FRMPD4: variants seen among roughly 807,000 people sequenced by gnomAD.
FRMPD4 encodes the protein FERM and PDZ domain-containing protein 4.
Under a neutral mutation model 94.1 loss-of-function variants are expected in FRMPD4, and 22 were observed. The ratio of observed to expected loss-of-function variants is 0.23; its 90% CI spans 0.17 to 0.33. The LOEUF is 0.33. Among genes scored for constraint, FRMPD4 ranks in the 10% least tolerant of loss-of-function variants. The probability of loss-of-function intolerance (pLI) is 1.00; values close to 1 mark genes in which losing one functional copy is unlikely to be tolerated. For missense variants in FRMPD4, 1,111 were observed against 1,339.9 expected, an observed-to-expected ratio of 0.83 and a Z score of 2.67; for synonymous variants, 631 against 548.6, an observed-to-expected ratio of 1.15 and a Z score of -2.10.
chrX:12,444,533 C>T (rs2057173980), intron 1 of FRMPD4, among the ~76,000 whole-genome samples: 1 of 112,081 alleles, frequency 8.9e-6, no homozygotes, highest in Non-Finnish European at 1.9e-5. Flanking sequence ...TATCTTGTTC[C>T]TCTCTTTCTC....
At chrX:12,381,008 A>G (rs182870399) in intron 1 of FRMPD4, among the ~76,000 whole-genome samples, 67 of 112,059 alleles carry the variant, frequency 6.0e-4, no homozygotes, top group Admixed American at 2.4e-3. Context: ...TCTAAAGCCC[A>G]GTTGGCTCTC....
intron 2 of FRMPD4, among the ~76,000 whole-genome samples, chrX:12,573,068 T>C (rs1384606521): frequency 8.9e-6 from 1 of 112,433 alleles, no homozygotes; most frequent in Non-Finnish European, 1.9e-5. Context: ...GACTCTTATG[T>C]CTGCAGTTTT....
At position 12,316,826 on chromosome X, in the gene FRMPD4, T is replaced by C. The variant is rs546642899; in HGVS notation, c.41+177814T>C. Among the ~76,000 whole-genome samples, 57 of 110,529 alleles carry C rather than the reference T, an allele frequency of 5.2e-4. No individual in the cohort carries two copies. In the South Asian group the frequency reaches 0.022, roughly 43 times the overall value. ...GTTCTTGTCTTTTACATTACAAAGG[T>C]TGGTTTAAAGCCAGGCACATAGCAG... On this transcript the variant is annotated intron_variant, in intron 1 of 16. Coordinates refer to ENST00000675598, the MANE Select transcript of FRMPD4 (RefSeq NM_001368397.1).
chrX:11,889,733 C>T lies in FRMPD4; in HGVS notation c.95+11715C>T, dbSNP rs537674596. ...ATAGCAGGGGTTTCTTGTGTAGCTA[C>T]GTAAAGCTGGGAAGTCAACTGGGGC... On this transcript the variant is annotated intron_variant, in intron 3 of 18. Transcript: ENST00000640291. Among the ~76,000 whole-genome samples the T allele has an allele frequency of 1.1e-3, 121 of 111,956 alleles. 1 individual carries two copies. Among genetic ancestry groups the T allele is most frequent in the African/African-American group, 3.8e-3 (116 of 30,841 alleles).
intron 3 of FRMPD4, among the ~76,000 whole-genome samples, chrX:12,088,908 A>T (rs145374035): frequency 1.3e-3 from 145 of 112,272 alleles, no homozygotes; most frequent in African/African-American, 4.6e-3. Flanking sequence ...CCATATAACC[A>T]ACATTCAGAT....
In FRMPD4 at chrX:12,417,218, T is replaced by C. The variant is rs183640241; in HGVS notation, c.42-81462T>C. Among the ~76,000 whole-genome samples the C allele has an allele frequency of 8.4e-3, 940 of 111,596 alleles. 15 individuals are homozygous for C. The highest frequency in any genetic ancestry group is 0.029 in the African/African-American group (878 of 30,721). On this transcript the variant is annotated intron_variant, in intron 1 of 16. Transcript: ENST00000675598. ...CTGGACACAGTTACACTAGTATCAC[T>C]TCAAAATGTTGCTAGATATTTCTAT... is the stretch of plus-strand genomic sequence containing the variant.
At chrX:12,628,363 G>C (rs781603510) in intron 4 of FRMPD4, among the ~76,000 whole-genome samples, 17 of 111,439 alleles carry the variant, frequency 1.5e-4, no homozygotes, top group Middle Eastern at 4.7e-3. Flanking sequence ...AGAACTTGCT[G>C]AGATATATTT....
intron 3 of FRMPD4, among the ~76,000 whole-genome samples, chrX:12,130,618 G>T (rs184986765): frequency 3.6e-5 from 4 of 111,203 alleles, no homozygotes; most frequent in Non-Finnish European, 7.5e-5. Context: ...ATTTATGAAT[G>T]AGACTTCAAA....
intron 3 of FRMPD4, among the ~76,000 whole-genome samples, chrX:12,032,445 A>G (rs1287761668): frequency 8.9e-6 from 1 of 112,535 alleles, no homozygotes; most frequent in East Asian, 2.8e-4. Context: ...ATTTAGCAAG[A>G]AAGTAATCAT....
chrX:12,360,272 A>G (rs906636054), intron 1 of FRMPD4, among the ~76,000 whole-genome samples: 10 of 111,837 alleles, frequency 8.9e-5, no homozygotes, highest in African/African-American at 2.6e-4. Flanking sequence ...TCTATCCTGA[A>G]TCTGGTTGGG....
chrX:12,133,054 A>G (rs1172937040), intron 3 of FRMPD4, among the ~76,000 whole-genome samples: 2 of 110,485 alleles, frequency 1.8e-5, no homozygotes, highest in Admixed American at 1.9e-4. Context: ...TAGGAAAAAG[A>G]GACAGTAAGT....
At chrX:12,472,863 A>G (rs1479773966) in intron 1 of FRMPD4, among the ~76,000 whole-genome samples, 1 of 111,365 alleles carries the variant, frequency 9.0e-6, no homozygotes, top group Non-Finnish European at 1.9e-5. Context: ...TGACGGGGAG[A>G]ATGGAACCAA....
At chrX:12,536,295 G>C (rs907556527) in intron 2 of FRMPD4, among the ~76,000 whole-genome samples, 1 of 109,123 alleles carries the variant, frequency 9.2e-6, no homozygotes. Context: ...TCAGCATTGA[G>C]CTTCCAGGCA....
At chrX:12,676,418 G>A (rs112278073) in intron 5 of FRMPD4, among the ~76,000 whole-genome samples, 23 of 112,733 alleles carry the variant, frequency 2.0e-4, no homozygotes, top group African/African-American at 7.4e-4. Context: ...AATAAGCATC[G>A]AACAACTATA....
intron 3 of FRMPD4, among the ~76,000 whole-genome samples, chrX:11,881,978 G>A (rs905812884): frequency 9.0e-5 from 10 of 111,353 alleles, no homozygotes; most frequent in South Asian, 7.6e-4. Context: ...AAAAGTATCC[G>A]GGTGTTGCTG....
intron 1 of FRMPD4, among the ~76,000 whole-genome samples, chrX:12,308,481 A>G (rs1023830742): frequency 9.0e-6 from 1 of 111,385 alleles, no homozygotes; most frequent in Admixed American, 9.5e-5. Context: ...TTCTATGTGT[A>G]TATCTGGGCT....
intron 1 of FRMPD4, among the ~76,000 whole-genome samples, chrX:12,463,710 T>TTA (rs2057420107): frequency 9.9e-6 from 1 of 100,740 alleles, no homozygotes; most frequent in Non-Finnish European, 2.0e-5. Flanking sequence ...TTTTTTTTTT[T>TTA]AACAGAGCAT....
At chrX:12,215,995 C>T (rs913242153) in intron 1 of FRMPD4, among the ~76,000 whole-genome samples, 1 of 112,372 alleles carries the variant, frequency 8.9e-6, no homozygotes. Context: ...GCTTGCAAAG[C>T]CTCAGATATT....
At chrX:12,535,589 T>C (rs988027816) in intron 2 of FRMPD4, among the ~76,000 whole-genome samples, 1 of 112,435 alleles carries the variant, frequency 8.9e-6, no homozygotes, top group Non-Finnish European at 1.9e-5. Context: ...TTAAGTTTCC[T>C]TGGAATTCAT....
Sources: allele counts gnomAD v4.1 joint callset (sites outside exome capture counted in the v4.1 genomes callset), GRCh38; gene constraint gnomAD v4.1.1; transcripts MANE v1.5; gene names NCBI Gene and HGNC (gene_info 2026-07-23, HGNC 2026-07-21).